PDE8A: variants seen among roughly 807,000 people sequenced by gnomAD.
PDE8A encodes phosphodiesterase 8A, also known as high affinity cAMP-specific and IBMX-insensitive 3',5'-cyclic phosphodiesterase 8A.
In PDE8A, 59 loss-of-function variants were observed where a neutral mutation model predicts 105.0. The ratio of observed to expected loss-of-function variants is 0.56; its 90% CI spans 0.46 to 0.70. The LOEUF (loss-of-function observed/expected upper bound fraction) is 0.70. Among genes scored for constraint, PDE8A ranks in the 30% least tolerant of loss-of-function variants. The pLI is 0.00. For missense variants in PDE8A, 1,014 were observed against 1,045.9 expected, an observed-to-expected ratio of 0.97 and a Z score of 0.42; for synonymous variants, 355 against 371.9, an observed-to-expected ratio of 0.95 and a Z score of 0.52.
rs759535866 is a variant in PDE8A, at chr15:85,089,737, G to GT, written c.714+323dup. 7.9e-5 allele frequency among the ~76,000 whole-genome samples: 12 copies of GT among 152,296 alleles called. No homozygotes were observed. In the South Asian group the frequency reaches 8.3e-4, roughly 11 times the overall value. The stretch of plus-strand genomic sequence containing the variant: ...TTGCTGGGGGCTTGGGGGTAGTGCT[G>GT]TTGTACGAAGGGGAATGCCCTGACC... On this transcript the variant is annotated intron_variant, in intron 7 of 21. Coordinates refer to ENST00000394553, the MANE Select transcript of PDE8A (RefSeq NM_002605.3).
At chr15:84,994,021 T>C (rs1246716759) in intron 1 of PDE8A, among the ~76,000 whole-genome samples, 4 of 152,240 alleles carry the variant, frequency 2.6e-5, no homozygotes, top group Non-Finnish European at 5.9e-5. Flanking sequence ...CTCCAAAAGA[T>C]AGATTGAGAC....
At chr15:85,135,167 G>A (rs935411322) in intron 20 of PDE8A, among the ~76,000 whole-genome samples, 1 of 152,186 alleles carries the variant, frequency 6.6e-6, no homozygotes, top group African/African-American at 2.4e-5. Context: ...AGCTACCAGA[G>A]CCTGGCTGTG....
chr15:85,013,035 T>C (rs1417306053), intron 1 of PDE8A, among the ~76,000 whole-genome samples: 1 of 152,212 alleles, frequency 6.6e-6, no homozygotes, highest in African/African-American at 2.4e-5. Flanking sequence ...GGATATTAAA[T>C]GGAGCTTTGT....
intron 1 of PDE8A, among the ~76,000 whole-genome samples, chr15:85,032,974 A>G (rs947506659): frequency 6.6e-6 from 1 of 152,226 alleles, no homozygotes; most frequent in Non-Finnish European, 1.5e-5. Flanking sequence ...AGATTTGAAC[A>G]TGGTAAAGTC....
At chr15:84,999,719 C>CG (rs1345094238) in intron 1 of PDE8A, among the ~76,000 whole-genome samples, 1 of 152,136 alleles carries the variant, frequency 6.6e-6, no homozygotes, top group Non-Finnish European at 1.5e-5. Flanking sequence ...GGACTACTGG[C>CG]GGGCACCAGT....
chr15:85,042,946 G>T (rs994771319), intron 1 of PDE8A, among the ~76,000 whole-genome samples: 1 of 152,206 alleles, frequency 6.6e-6, no homozygotes. Flanking sequence ...TAATTCGATT[G>T]TGTGGATTGT....
intron 1 of PDE8A, among the ~76,000 whole-genome samples, chr15:85,032,974 A>T (rs947506659): frequency 6.6e-6 from 1 of 152,226 alleles, no homozygotes; most frequent in African/African-American, 2.4e-5. Flanking sequence ...AGATTTGAAC[A>T]TGGTAAAGTC....
At chr15:85,127,967 C>T (rs1459484637) in intron 20 of PDE8A, among the ~76,000 whole-genome samples, 1 of 138,066 alleles carries the variant, frequency 7.2e-6, no homozygotes, top group Non-Finnish European at 1.5e-5. Flanking sequence ...AATAGAAATC[C>T]AAGAAACAGA....
At chr15:85,062,326 A>T (rs547151288) in intron 1 of PDE8A, among the ~76,000 whole-genome samples, 1 of 152,304 alleles carries the variant, frequency 6.6e-6, no homozygotes, top group East Asian at 1.9e-4. Context: ...TGTAAACTCA[A>T]GGTCTTCTCA....
chr15:85,115,794 G>A, intron 15 of PDE8A, 190 bp from the exon 16 acceptor site: 2 of 565,460 alleles, frequency 3.5e-6, no homozygotes, highest in Non-Finnish European at 6.2e-6. Context: ...GGTGGCAGGT[G>A]CCTGTAATCC....
At chr15:85,068,460 G>T (rs7402176) in intron 3 of PDE8A, among the ~76,000 whole-genome samples, 49,113 of 152,080 alleles carry the variant, frequency 0.32, 9,587 homozygotes, top group Middle Eastern at 0.45. Context: ...CCAGGTCCTT[G>T]TTTGGCTCTT....
chr15:84,997,412 C>A (rs1429273811), intron 1 of PDE8A, among the ~76,000 whole-genome samples: 2 of 151,632 alleles, frequency 1.3e-5, no homozygotes, highest in Non-Finnish European at 2.9e-5. Flanking sequence ...TCCAGGCTGG[C>A]CTTGAACTCC....
intron 1 of PDE8A, among the ~76,000 whole-genome samples, chr15:85,046,928 T>C (rs974040163): frequency 3.9e-5 from 6 of 152,232 alleles, no homozygotes; most frequent in Non-Finnish European, 8.8e-5. Flanking sequence ...TACTTTTCAA[T>C]ATTAAAATGC....
chr15:85,006,131 G>A (rs1263098915), intron 1 of PDE8A, among the ~76,000 whole-genome samples: 5 of 152,128 alleles, frequency 3.3e-5, no homozygotes, highest in African/African-American at 9.7e-5. Context: ...GAGGTGGGGG[G>A]AGGGATAGCA....
intron 1 of PDE8A, among the ~76,000 whole-genome samples, chr15:85,040,562 A>ATTT (rs535874533): frequency 0.032 from 4,316 of 132,896 alleles, 243 homozygotes; most frequent in African/African-American, 0.089. Flanking sequence ...GTGCTTATGT[A>ATTT]TTTTTTTTTT....
At chr15:85,067,276 A>T in intron 3 of PDE8A, 72 bp downstream of exon 3, 2 of 1,066,408 alleles carry the variant, frequency 1.9e-6, no homozygotes, top group Admixed American at 5.0e-5. Flanking sequence ...GAAATAGATT[A>T]AATTAGACTC....
intron 8 of PDE8A, among the ~76,000 whole-genome samples, chr15:85,093,963 G>A (rs1446307494): frequency 6.6e-6 from 1 of 151,930 alleles, no homozygotes; most frequent in Admixed American, 6.6e-5. Flanking sequence ...AGGCTCAAGC[G>A]ATTTTCCCAC....
intron 1 of PDE8A, among the ~76,000 whole-genome samples, chr15:84,999,551 T>TTTGTTGTTG (rs3077007): frequency 2.1e-4 from 32 of 150,940 alleles, no homozygotes; most frequent in African/African-American, 5.1e-4. Context: ...GCCTCCCTTT[T>TTTGTTGTTG]TTGTTGTTGT....
At chr15:84,986,806 A>G (rs900658728) in intron 1 of PDE8A, among the ~76,000 whole-genome samples, 9 of 151,412 alleles carry the variant, frequency 5.9e-5, no homozygotes, top group African/African-American at 2.2e-4. Context: ...TCGAGACGAG[A>G]TCTTGCTGTG....
Sources: allele counts gnomAD v4.1 joint callset (sites outside exome capture counted in the v4.1 genomes callset), GRCh38; gene constraint gnomAD v4.1.1; transcripts MANE v1.5; gene names NCBI Gene and HGNC (gene_info 2026-07-23, HGNC 2026-07-21).